Variants in TRAPPC9 observed in about 807,000 individuals in gnomAD.
TRAPPC9 encodes IKK2 binding protein.
A neutral mutation model predicts 124.0 loss-of-function variants in TRAPPC9; 83 were observed. The observed-to-expected ratio is 0.67, with a 90% CI of 0.56 to 0.80. The LOEUF is 0.80. Among genes scored for constraint, TRAPPC9 ranks in the 30% least tolerant of loss-of-function variants. TRAPPC9 has a pLI of 0.00. For missense variants in TRAPPC9, 1,302 were observed against 1,508.3 expected (o/e 0.86, Z 2.27); for synonymous variants, 638 against 617.5 (o/e 1.03, Z -0.49).
chr8:140,008,378 G>A lies in TRAPPC9; in HGVS notation c.2699+15559C>T, dbSNP rs961181892. On this transcript the variant is annotated intron_variant, in intron 18 of 22. Transcript: ENST00000438773. ...TCCTTGGGGAGCTTCTCAAAGCACAGCCCTATCCCTCTCATCAACCACCAC... is the reference window on the plus strand; with the variant it reads ...TCCTTGGGGAGCTTCTCAAAGCACAACCCTATCCCTCTCATCAACCACCAC... 5 of 152,304 alleles carry A rather than the reference G, an allele frequency of 3.3e-5. No individual in the cohort carries two copies. In the East Asian group the frequency reaches 9.6e-4, roughly 29 times the overall value. The allele number at this position is 152,304 out of a possible 1,614,324, so 9.4% of individuals were successfully genotyped here. A position where few individuals can be genotyped will look rare whatever the true frequency, so the allele number is the denominator to read the frequency against.
At chr8:139,743,530 T>G (rs1364261363) in intron 21 of TRAPPC9, among the ~76,000 whole-genome samples, 1 of 152,240 alleles carries the variant, frequency 6.6e-6, no homozygotes, top group African/African-American at 2.4e-5. Flanking sequence ...CACACATTTT[T>G]CTAGTTGACA....
intron 17 of TRAPPC9, among the ~76,000 whole-genome samples, chr8:140,213,130 T>C (rs1587937468): frequency 6.6e-6 from 1 of 151,950 alleles, no homozygotes; most frequent in South Asian, 2.1e-4. Context: ...TTCTTTTTTG[T>C]TGACTTTTTT....
chr8:139,753,402 A>C (rs1819498004), intron 21 of TRAPPC9, among the ~76,000 whole-genome samples: 1 of 152,018 alleles, frequency 6.6e-6, no homozygotes, highest in East Asian at 1.9e-4. Context: ...CCATCTATCC[A>C]TCCCTCATCT....
chr8:140,429,612 C>A (rs1411773814), intron 4 of TRAPPC9, among the ~76,000 whole-genome samples: 1 of 151,934 alleles, frequency 6.6e-6, no homozygotes, highest in Non-Finnish European at 1.5e-5. Context: ...TTGCGACCAG[C>A]CTGGCCAACA....
intron 1 of TRAPPC9, among the ~76,000 whole-genome samples, chr8:140,454,456 T>A (rs1026414826): frequency 6.6e-6 from 1 of 151,244 alleles, no homozygotes; most frequent in Admixed American, 6.6e-5. Context: ...CTGACCAACA[T>A]GGAGAAACCC....
chr8:140,154,092 C>T (rs554066123), intron 17 of TRAPPC9, among the ~76,000 whole-genome samples: 1 of 152,304 alleles, frequency 6.6e-6, no homozygotes, highest in South Asian at 2.1e-4. Flanking sequence ...ACCCTAAACT[C>T]GCCAGATCTA....
At chr8:139,805,259 C>A (rs563879323) in intron 21 of TRAPPC9, among the ~76,000 whole-genome samples, 114 of 152,316 alleles carry the variant, frequency 7.5e-4, no homozygotes, top group African/African-American at 2.6e-3. Flanking sequence ...TCTAGCGTGG[C>A]GTGAGGTGTG....
chr8:140,150,589 A>G (rs2061529178), intron 17 of TRAPPC9, among the ~76,000 whole-genome samples: 1 of 152,242 alleles, frequency 6.6e-6, no homozygotes, highest in South Asian at 2.1e-4. Flanking sequence ...CCAAAGGGGC[A>G]CTGATAGTAG....
At chr8:139,925,827 GCACA>G (rs56794885) in intron 19 of TRAPPC9, among the ~76,000 whole-genome samples, 12 of 68,642 alleles carry the variant, frequency 1.7e-4, no homozygotes, top group East Asian at 7.2e-4. Context: ...ACACGCACAC[GCACA>G]CACACACACA....
intron 9 of TRAPPC9, among the ~76,000 whole-genome samples, chr8:140,319,325 G>A (rs1200577976): frequency 4.0e-5 from 6 of 150,708 alleles, no homozygotes; most frequent in Non-Finnish European, 8.9e-5. Flanking sequence ...ACGGGCACCC[G>A]CCACCAGGCC....
chr8:140,058,513 C>G (rs1011414106), intron 17 of TRAPPC9, among the ~76,000 whole-genome samples: 2 of 152,164 alleles, frequency 1.3e-5, no homozygotes, highest in African/African-American at 4.8e-5. Flanking sequence ...GCTAGCTGTG[C>G]ACCCGGAAAA....
chr8:140,294,351 G>A (rs529589439), intron 11 of TRAPPC9, among the ~76,000 whole-genome samples: 109 of 152,054 alleles, frequency 7.2e-4, no homozygotes, highest in African/African-American at 2.5e-3. Context: ...CAGCCTGCCC[G>A]GGGCCACTGA....
intron 21 of TRAPPC9, among the ~76,000 whole-genome samples, chr8:139,761,240 G>C (rs745789545): frequency 3.9e-5 from 6 of 152,310 alleles, no homozygotes; most frequent in Admixed American, 6.5e-5. Context: ...GGGAGAAACA[G>C]AGACCAACTG....
At chr8:139,758,658 T>A (rs1012756753) in intron 21 of TRAPPC9, among the ~76,000 whole-genome samples, 1 of 152,224 alleles carries the variant, frequency 6.6e-6, no homozygotes, top group Non-Finnish European at 1.5e-5. Flanking sequence ...CAGGAGGACC[T>A]GTGCCACGAA....
At chr8:139,830,457 C>T (rs1825910511) in intron 21 of TRAPPC9, among the ~76,000 whole-genome samples, 1 of 151,942 alleles carries the variant, frequency 6.6e-6, no homozygotes. Flanking sequence ...ACAAACGCTA[C>T]ACACATACAC....
chr8:140,130,834 T>C (rs563319924), intron 17 of TRAPPC9, among the ~76,000 whole-genome samples: 1 of 152,284 alleles, frequency 6.6e-6, no homozygotes, highest in East Asian at 1.9e-4. Flanking sequence ...TCTGTAAGTA[T>C]GGGATTGCGT....
chr8:139,865,161 C>T (rs1447005072), intron 21 of TRAPPC9, among the ~76,000 whole-genome samples: 1 of 152,216 alleles, frequency 6.6e-6, no homozygotes, highest in Non-Finnish European at 1.5e-5. Context: ...CCCATGGGGT[C>T]TGAAGAAAGC....
rs1036181127 is a variant in TRAPPC9, at chr8:140,298,969, G to A, written c.1768+1500C>T. Among the ~76,000 whole-genome samples, 7 of 152,240 alleles carry A rather than the reference G, an allele frequency of 4.6e-5. No individual in the cohort carries two copies. In the East Asian group the frequency reaches 1.3e-3, roughly 29 times the overall value. On this transcript the variant is annotated intron_variant, in intron 11 of 22. Transcript: ENST00000438773. Reference sequence around the variant, plus strand: ...TGCAGGACAAAGCATCAATGGGCCAGTGTGGGTTTGAGCTGGAGAGAAGCT... The same window carrying A: ...TGCAGGACAAAGCATCAATGGGCCAATGTGGGTTTGAGCTGGAGAGAAGCT...
chr8:140,272,141 G>A (rs370848942), intron 15 of TRAPPC9, among the ~76,000 whole-genome samples: 2 of 151,390 alleles, frequency 1.3e-5, no homozygotes, highest in South Asian at 4.2e-4. Context: ...GATGGTGATG[G>A]TGATGGTGGT....
Sources: gnomAD v4.1 joint callset for allele counts (sites outside exome capture counted in the v4.1 genomes callset) on GRCh38, gnomAD v4.1.1 for gene constraint, MANE v1.5 for transcripts, NCBI Gene and HGNC (gene_info 2026-07-23, HGNC 2026-07-21) for gene names.